FGF12: variants seen among roughly 807,000 people sequenced by gnomAD.
FGF12 encodes fibroblast growth factor 12, also known as fibroblast growth factor 12B.
Under a neutral mutation model 23.6 loss-of-function variants are expected in FGF12, and 14 were observed. The observed-to-expected ratio is 0.59, with a 90% confidence interval of 0.39 to 0.93. The LOEUF (loss-of-function observed/expected upper bound fraction) is 0.93, where lower values mean the gene tolerates loss of function less well. Among genes scored for constraint, FGF12 ranks in the 40% least tolerant of loss-of-function variants. The probability of loss-of-function intolerance (pLI) is 0.00; values close to 1 mark genes in which losing one functional copy is unlikely to be tolerated. For synonymous variants in FGF12, 62 were observed against 77.3 expected, an observed-to-expected ratio of 0.80 and a Z score of 1.04; for missense variants, 175 against 217.8, an observed-to-expected ratio of 0.80 and a Z score of 1.24.
rs75480001 is a variant in FGF12 at position 192,195,333 on chromosome 3, C to T, written c.229-24677G>A. Among the ~76,000 whole-genome samples, 509 of 152,214 alleles carry T rather than the reference C, an allele frequency of 3.3e-3. 8 individuals carry two copies. Among genetic ancestry groups the T allele is most frequent in the East Asian group, 0.032 (164 of 5,180 alleles). On this transcript the variant is annotated intron_variant, in intron 4 of 5. Coordinates refer to ENST00000445105, the MANE Select transcript of FGF12 (RefSeq NM_004113.6). ...GACAGATACAGTTATACGTATTTAT[C>T]GTGTACAACATGATGTTTTGAAATA...
chr3:192,154,800 TAC>T (rs1354890176), intron 5 of FGF12, among the ~76,000 whole-genome samples: 2 of 147,048 alleles, frequency 1.4e-5, no homozygotes, highest in Admixed American at 1.4e-4. Context: ...AGGTGGAGCC[TAC>T]AGAGGCAGGC....
chr3:192,568,831 C>A (rs1368745337), intron 2 of FGF12, among the ~76,000 whole-genome samples: 1 of 152,056 alleles, frequency 6.6e-6, no homozygotes, highest in Non-Finnish European at 1.5e-5. Flanking sequence ...AAGGAGAGAT[C>A]CTTTGCATAC....
intron 2 of FGF12, among the ~76,000 whole-genome samples, chr3:192,671,654 A>T (rs767404575): frequency 8.5e-5 from 13 of 152,162 alleles, no homozygotes; most frequent in Non-Finnish European, 1.5e-4. Flanking sequence ...TTCTGTAAAG[A>T]TCACGTACAA....
intron 4 of FGF12, among the ~76,000 whole-genome samples, chr3:192,264,820 C>T (rs896779239): frequency 6.6e-5 from 10 of 152,054 alleles, no homozygotes; most frequent in African/African-American, 1.9e-4. Context: ...TAGAAACTTA[C>T]AGCAAATGTC....
chr3:192,191,835 CAA>C (rs66475128), intron 4 of FGF12, among the ~76,000 whole-genome samples: 28 of 101,468 alleles, frequency 2.8e-4, no homozygotes, highest in South Asian at 8.5e-4. Context: ...GACTCCGTCT[CAA>C]AAAAAAAAAA....
Position 192,490,078 on chromosome 3 carries a change from C to T in FGF12, c.14-129540G>A, listed in dbSNP as rs548435457. Among the ~76,000 whole-genome samples the T allele has an allele frequency of 3.3e-5, 5 of 152,210 alleles. No homozygotes were observed. The South Asian group carries it at 1.0e-3, about 32-fold the overall frequency. The stretch of plus-strand genomic sequence containing the variant: ...AAAATCCATCCTCATTTGATGAAGA[C>T]ACTGAAGTCTGTAACTTACAGTGGA... On this transcript the variant is annotated intron_variant, in intron 2 of 5. Coordinates refer to ENST00000445105, the MANE Select transcript of FGF12 (RefSeq NM_004113.6).
intron 4 of FGF12, among the ~76,000 whole-genome samples, chr3:192,330,298 G>C (rs1717040275): frequency 6.6e-6 from 1 of 151,990 alleles, no homozygotes; most frequent in African/African-American, 2.4e-5. Flanking sequence ...AATAAATAAA[G>C]CTGTAGGTCG....
At chr3:192,168,393 C>G (rs779597251) in intron 5 of FGF12, among the ~76,000 whole-genome samples, 4 of 152,160 alleles carry the variant, frequency 2.6e-5, no homozygotes, top group Non-Finnish European at 5.9e-5. Flanking sequence ...CACACTGCAC[C>G]TGGAATGTTT....
intron 2 of FGF12, among the ~76,000 whole-genome samples, chr3:192,652,089 G>A (rs1264561850): frequency 5.9e-5 from 9 of 152,160 alleles, no homozygotes; most frequent in Non-Finnish European, 1.2e-4. Context: ...AACCTCACAC[G>A]ATCCCTGCCC....
At chr3:192,682,209 T>G (rs1717554199) in intron 2 of FGF12, among the ~76,000 whole-genome samples, 1 of 152,166 alleles carries the variant, frequency 6.6e-6, no homozygotes, top group Non-Finnish European at 1.5e-5. Context: ...ATGGCAGCCC[T>G]GGTACAAGCA....
At chr3:192,523,513 T>C (rs1724871773) in intron 2 of FGF12, among the ~76,000 whole-genome samples, 1 of 152,176 alleles carries the variant, frequency 6.6e-6, no homozygotes, top group South Asian at 2.1e-4. Flanking sequence ...ATTTCAACAA[T>C]CTTGAGTATT....
At chr3:192,543,205 G>T (rs1480671842) in intron 2 of FGF12, among the ~76,000 whole-genome samples, 1 of 152,130 alleles carries the variant, frequency 6.6e-6, no homozygotes, top group Non-Finnish European at 1.5e-5. Flanking sequence ...TGGCTGAGCT[G>T]GCACCCAAGC....
intron 4 of FGF12, among the ~76,000 whole-genome samples, chr3:192,206,784 G>A (rs1379993365): frequency 6.6e-6 from 1 of 152,170 alleles, no homozygotes; most frequent in East Asian, 1.9e-4. Flanking sequence ...GCAAAACGAA[G>A]TTAACAGTTT....
chr3:192,597,269 C>T (rs538948802), intron 2 of FGF12, among the ~76,000 whole-genome samples: 17 of 152,184 alleles, frequency 1.1e-4, no homozygotes, highest in South Asian at 4.1e-4. Context: ...CCACTACATC[C>T]TCAAAATTCT....
intron 4 of FGF12, among the ~76,000 whole-genome samples, chr3:192,319,776 A>T (rs1716433397): frequency 6.6e-6 from 1 of 152,114 alleles, no homozygotes; most frequent in Non-Finnish European, 1.5e-5. Context: ...CTGTGTTGTC[A>T]TCAGTTTAAA....
chr3:192,406,774 C>T (rs1720973531), intron 2 of FGF12, among the ~76,000 whole-genome samples: 1 of 152,092 alleles, frequency 6.6e-6, no homozygotes, highest in South Asian at 2.1e-4. Context: ...AGGCTTAACC[C>T]CAAATTTCTG....
chr3:192,527,063 A>G (rs1230296424), intron 2 of FGF12, among the ~76,000 whole-genome samples: 1 of 152,226 alleles, frequency 6.6e-6, no homozygotes, highest in Non-Finnish European at 1.5e-5. Context: ...ATATATTGAT[A>G]AAATTTGGAG....
chr3:192,651,618 T>C (rs893214898), intron 2 of FGF12, among the ~76,000 whole-genome samples: 5 of 152,238 alleles, frequency 3.3e-5, no homozygotes, highest in Non-Finnish European at 7.3e-5. Context: ...TTATTCTAGT[T>C]CATTATAGAA....
At chr3:192,297,649 A>G (rs1029156184) in intron 4 of FGF12, among the ~76,000 whole-genome samples, 1 of 152,116 alleles carries the variant, frequency 6.6e-6, no homozygotes, top group African/African-American at 2.4e-5. Flanking sequence ...TCCCCAGAAT[A>G]CTCATTTGTC....
Sources: gnomAD v4.1 joint callset for allele counts (sites outside exome capture counted in the v4.1 genomes callset) on GRCh38, gnomAD v4.1.1 for gene constraint, MANE v1.5 for transcripts, NCBI Gene and HGNC (gene_info 2026-07-23, HGNC 2026-07-21) for gene names.